JAZF1: variants seen among roughly 807,000 people sequenced by gnomAD.
JAZF1 encodes juxtaposed with another zinc finger protein 1.
Under a neutral mutation model 26.4 loss-of-function variants are expected in JAZF1, and 8 were observed. That is an observed-to-expected ratio of 0.30 (90% confidence interval 0.18 to 0.55). The LOEUF (loss-of-function observed/expected upper bound fraction) is 0.55, where lower values mean the gene tolerates loss of function less well. JAZF1 is among the 20% of genes least tolerant of loss of function. The probability of loss-of-function intolerance (pLI) is 0.94; values close to 1 mark genes in which losing one functional copy is unlikely to be tolerated. For missense variants in JAZF1, 199 were observed against 322.0 expected (o/e 0.62, Z 2.92); for synonymous variants, 126 against 122.3 (o/e 1.03, Z -0.20).
chr7:27,881,567 C>G (rs1783772581), intron 3 of JAZF1, among the ~76,000 whole-genome samples: 1 of 152,104 alleles, frequency 6.6e-6, no homozygotes, highest in African/African-American at 2.4e-5. Flanking sequence ...TGGTCCAGAA[C>G]TTGGTGGAAT....
chr7:28,150,420 T>G (rs916054771), intron 1 of JAZF1, among the ~76,000 whole-genome samples: 4 of 152,238 alleles, frequency 2.6e-5, no homozygotes, highest in African/African-American at 9.6e-5. Context: ...TGACTATCAT[T>G]ATCTTCATTT....
In JAZF1 at chr7:28,081,566, C is replaced by T. The variant is rs111946298; in HGVS notation, c.116-89585G>A. Among the ~76,000 whole-genome samples, 1,430 of 152,288 alleles carry T rather than the reference C, an allele frequency of 9.4e-3. 13 individuals are homozygous for T. The highest frequency in any genetic ancestry group is 0.027 in the Middle Eastern group (8 of 294). On this transcript the variant is annotated intron_variant, in intron 1 of 4. Coordinates refer to ENST00000283928, the MANE Select transcript of JAZF1 (RefSeq NM_175061.4). ...TACCTGGGGCTACAGAACACAGTGTCCACGCACTTGGACAAGCTGGTGAGC... is the reference window on the plus strand; with the variant it reads ...TACCTGGGGCTACAGAACACAGTGTTCACGCACTTGGACAAGCTGGTGAGC...
Position 27,840,645 on chromosome 7 carries a change from G to A in JAZF1, c.555+53C>T, listed in dbSNP as rs946792294. ...TCAAGAAAGGGCTGCTGCCTTCCAT[G>A]AAGCTTGCCCTGTTTCCATGTGGTT... On this transcript the variant is annotated intron_variant, in intron 4 of 4. Coordinates refer to ENST00000283928, the MANE Select transcript of JAZF1 (RefSeq NM_175061.4). The surrounding 1 kb of genome is among the most constrained non-coding windows in gnomAD (Gnocchi z 5.1). 15 of 1,574,522 alleles carry A rather than the reference G, an allele frequency of 9.5e-6. No individual in the cohort carries two copies. In the African/African-American group the frequency reaches 1.6e-4, roughly 17 times the overall value.
At chr7:27,948,918 T>C (rs1162331073) in intron 2 of JAZF1, among the ~76,000 whole-genome samples, 1 of 152,240 alleles carries the variant, frequency 6.6e-6, no homozygotes, top group Non-Finnish European at 1.5e-5. Flanking sequence ...CACGGATTTC[T>C]ACCTGCCCTT....
chr7:27,967,138 T>C (rs1785290785), intron 2 of JAZF1, among the ~76,000 whole-genome samples: 2 of 152,190 alleles, frequency 1.3e-5, no homozygotes, highest in South Asian at 4.1e-4. Context: ...TTTTTAAAAA[T>C]AAAGCTGTCC....
chr7:27,941,599 T>C (rs1297149483), intron 2 of JAZF1, among the ~76,000 whole-genome samples: 1 of 152,248 alleles, frequency 6.6e-6, no homozygotes, highest in Non-Finnish European at 1.5e-5. Context: ...TGCACAGGCC[T>C]ACCTTGGATG....
chr7:27,857,658 T>C (rs920124967), intron 3 of JAZF1, among the ~76,000 whole-genome samples: 1 of 152,208 alleles, frequency 6.6e-6, no homozygotes, highest in African/African-American at 2.4e-5. Context: ...ATTATCTCAA[T>C]AGATGCAGAA....
At chr7:28,164,423 C>T (rs1255076639) in intron 1 of JAZF1, among the ~76,000 whole-genome samples, 1 of 152,192 alleles carries the variant, frequency 6.6e-6, no homozygotes, top group Non-Finnish European at 1.5e-5. Context: ...GCATGGGCAT[C>T]CTGTCACTCA....
At chr7:28,165,723 T>C (rs1165374092) in intron 1 of JAZF1, among the ~76,000 whole-genome samples, 2 of 152,190 alleles carry the variant, frequency 1.3e-5, no homozygotes, top group East Asian at 1.9e-4. Flanking sequence ...TTCTGAAATG[T>C]TTCCCTCTCA....
chr7:27,924,722 C>T (rs1194697140), intron 2 of JAZF1, among the ~76,000 whole-genome samples: 1 of 152,132 alleles, frequency 6.6e-6, no homozygotes, highest in African/African-American at 2.4e-5. Flanking sequence ...TATGAAGGTA[C>T]CTAGAAAAAT....
chr7:27,934,482 C>A (rs1430221996), intron 2 of JAZF1, among the ~76,000 whole-genome samples: 2 of 152,010 alleles, frequency 1.3e-5, no homozygotes, highest in African/African-American at 4.8e-5. Flanking sequence ...CACACACACA[C>A]ACACCCCATA....
At chr7:27,904,626 C>T (rs953780204) in intron 2 of JAZF1, among the ~76,000 whole-genome samples, 4 of 150,904 alleles carry the variant, frequency 2.7e-5, no homozygotes, top group African/African-American at 4.9e-5. Context: ...CTGAGGCCCA[C>T]GGGGTGGATT....
At chr7:27,888,882 GT>G (rs1356269790) in intron 3 of JAZF1, among the ~76,000 whole-genome samples, 4 of 152,234 alleles carry the variant, frequency 2.6e-5, no homozygotes, top group Admixed American at 2.0e-4. Context: ...TTTTCCAGGA[GT>G]AACTATGCGA....
At chr7:28,123,253 C>T (rs907182571) in intron 1 of JAZF1, among the ~76,000 whole-genome samples, 2 of 152,138 alleles carry the variant, frequency 1.3e-5, no homozygotes, top group African/African-American at 4.8e-5. Flanking sequence ...ACCTCAATCC[C>T]TACCACTCAC....
intron 2 of JAZF1, among the ~76,000 whole-genome samples, chr7:27,981,409 T>G (rs1230004370): frequency 6.6e-6 from 1 of 152,230 alleles, no homozygotes; most frequent in Non-Finnish European, 1.5e-5. Context: ...TGAATTGGGA[T>G]GCTAGACTAG....
intron 2 of JAZF1, among the ~76,000 whole-genome samples, chr7:27,982,612 C>T (rs57551874): frequency 0.23 from 35,343 of 152,002 alleles, 4,508 homozygotes; most frequent in East Asian, 0.49. Context: ...GTGGTTCTCC[C>T]GGCACGGAGT....
rs1323710872 is a variant in JAZF1 at position 28,174,205 on chromosome 7, CG to C, written c.115+6257del. Among the ~76,000 whole-genome samples, 3 of 152,074 alleles carry C rather than the reference CG, an allele frequency of 2.0e-5. No individual in the cohort carries two copies. The East Asian group carries it at 5.8e-4, about 29-fold the overall frequency. On this transcript the variant is annotated intron_variant, in intron 1 of 4. Transcript: ENST00000283928. The stretch of plus-strand genomic sequence containing the variant: ...CGTCTGTACTGTCAAGATCTGAAGG[CG>C]GGGGTAAGAATGGGGTAGAGAAATA...
intron 3 of JAZF1, among the ~76,000 whole-genome samples, chr7:27,875,261 G>A (rs915627036): frequency 6.6e-6 from 1 of 152,044 alleles, no homozygotes. Context: ...AACATTCCGA[G>A]TTCATCCGCA....
At chr7:28,177,760 A>G (rs1783570427) in intron 1 of JAZF1, among the ~76,000 whole-genome samples, 1 of 152,250 alleles carries the variant, frequency 6.6e-6, no homozygotes, top group South Asian at 2.1e-4. Flanking sequence ...GATTGAATCA[A>G]AAACGATAAA....
Sources: allele counts gnomAD v4.1 joint callset (sites outside exome capture counted in the v4.1 genomes callset), GRCh38; gene constraint gnomAD v4.1.1; non-coding constraint Gnocchi (gnomAD v3.1); transcripts MANE v1.5; gene names NCBI Gene and HGNC (gene_info 2026-07-23, HGNC 2026-07-21).